LNP1: variants seen among roughly 807,000 people sequenced by gnomAD.
LNP1 encodes leukemia NUP98 fusion partner 1.
A neutral mutation model predicts 14.5 loss-of-function variants in LNP1; 12 were observed. The observed-to-expected ratio is 0.83, with a 90% confidence interval of 0.53 to 1.34. The LOEUF is 1.34. Ranked by LOEUF, LNP1 falls within the 40% of genes most tolerant of loss-of-function variation. LNP1 has a pLI of 0.00. For missense variants in LNP1, 198 were observed against 210.9 expected (o/e 0.94, Z 0.38); for synonymous variants, 75 against 71.4 (o/e 1.05, Z -0.26).
intron 1 of LNP1, among the ~76,000 whole-genome samples, chr3:100,406,862 GTT>G (rs941880624): frequency 2.6e-5 from 4 of 152,068 alleles, no homozygotes; most frequent in Non-Finnish European, 5.9e-5. Context: ...TCTATTGTCG[GTT>G]TTTGCTTCAA....
At chr3:100,448,935 A>C (rs1241284267) in intron 2 of LNP1, among the ~76,000 whole-genome samples, 2 of 152,216 alleles carry the variant, frequency 1.3e-5, no homozygotes, top group East Asian at 3.8e-4. Context: ...TTATCAGCTA[A>C]ATAGCTTTAA....
intron 1 of LNP1, among the ~76,000 whole-genome samples, chr3:100,425,754 G>A (rs1221242565): frequency 6.6e-6 from 1 of 152,142 alleles, no homozygotes; most frequent in Non-Finnish European, 1.5e-5. Context: ...AACACATCAT[G>A]TTCCAGAATG....
chr3:100,407,332 A>G (rs1480889412), intron 1 of LNP1, among the ~76,000 whole-genome samples: 1 of 152,130 alleles, frequency 6.6e-6, no homozygotes, highest in Non-Finnish European at 1.5e-5. Flanking sequence ...TCTCATGTTC[A>G]TTTCTGAATG....
chr3:100,403,125 G>A (rs1706928826), intron 1 of LNP1, among the ~76,000 whole-genome samples: 2 of 152,084 alleles, frequency 1.3e-5, no homozygotes, highest in African/African-American at 4.8e-5. Context: ...GGACCTTACT[G>A]ATCTGATGCA....
chr3:100,432,440 G>A (rs900841437), intron 2 of LNP1, among the ~76,000 whole-genome samples: 12 of 152,184 alleles, frequency 7.9e-5, no homozygotes, highest in African/African-American at 2.7e-4. Context: ...CAGGGTGAAA[G>A]AAGACATGCC....
At chr3:100,405,554 A>C (rs780884715) in intron 1 of LNP1, among the ~76,000 whole-genome samples, 1 of 152,112 alleles carries the variant, frequency 6.6e-6, no homozygotes, top group Non-Finnish European at 1.5e-5. Context: ...GAGGACTGCA[A>C]ATTTGGTTTG....
At position 100,456,030 on chromosome 3, in the gene LNP1, A is replaced by G; in HGVS notation, c.*104A>G. ...GTGGATGGGGGCGGGGTTGGGGGTA[A>G]AAACAGCTATAAAAAGCAACTGCAG... On this transcript the variant is annotated 3_prime_UTR_variant, in exon 4 of 4. Transcript: ENST00000383693. The G allele has an allele frequency of 7.7e-7, 1 of 1,295,622 alleles. No homozygotes were observed. Among genetic ancestry groups the G allele is most frequent in the Non-Finnish European group, 1.1e-6 (1 of 934,640 alleles). 80.3% of individuals were successfully genotyped at this position (1,295,622 alleles called of 1,614,324 possible).
In LNP1 at chr3:100,455,735, C is replaced by T. The variant is rs758490198; in HGVS notation, c.388-42C>T. The T allele has an allele frequency of 1.9e-6, 3 of 1,600,256 alleles. No homozygotes were observed. In the East Asian group the frequency reaches 6.7e-5, roughly 36 times the overall value. ...TAAGAGAAATGTGGAGTGTTGTCAG[C>T]TGCTTGTGCATTTTTACCTGTTTCT... is the stretch of plus-strand genomic sequence containing the variant. On this transcript the variant is annotated intron_variant, in intron 3 of 3. Transcript: ENST00000383693.
chr3:100,435,759 T>C (rs977822558), intron 2 of LNP1, among the ~76,000 whole-genome samples: 10 of 152,170 alleles, frequency 6.6e-5, no homozygotes, highest in Admixed American at 1.3e-4. Context: ...AAGGTGGTTC[T>C]GACACAGTTC....
intron 2 of LNP1, among the ~76,000 whole-genome samples, chr3:100,447,804 T>A (rs1707402659): frequency 1.3e-5 from 2 of 152,188 alleles, no homozygotes; most frequent in South Asian, 4.1e-4. Context: ...ATTCCCTCTT[T>A]ATTTTGATAA....
intron 3 of LNP1, 109 bp from the exon 4 acceptor site, chr3:100,455,668 G>A: frequency 2.0e-6 from 2 of 1,014,566 alleles, no homozygotes; most frequent in Non-Finnish European, 3.0e-6. Context: ...CCAAGAGGTG[G>A]AAGTCTGCTA....
chr3:100,408,078 T>C (rs1028519732), intron 1 of LNP1, among the ~76,000 whole-genome samples: 2 of 152,258 alleles, frequency 1.3e-5, no homozygotes, highest in Admixed American at 1.3e-4. Context: ...ATAGTTGATA[T>C]ATCTGTGTCT....
chr3:100,416,679 A>G (rs1707087554), intron 1 of LNP1, among the ~76,000 whole-genome samples: 1 of 148,616 alleles, frequency 6.7e-6, no homozygotes, highest in South Asian at 2.1e-4. Context: ...TTTAAAAAAA[A>G]TATTTTGGTT....
At chr3:100,454,918 A>G (rs1707495977) in intron 3 of LNP1, among the ~76,000 whole-genome samples, 1 of 152,144 alleles carries the variant, frequency 6.6e-6, no homozygotes, top group South Asian at 2.1e-4. Flanking sequence ...CAACATTTCT[A>G]GTTCAAACAG....
intron 1 of LNP1, among the ~76,000 whole-genome samples, chr3:100,412,380 A>T (rs1707039312): frequency 6.6e-6 from 1 of 152,198 alleles, no homozygotes; most frequent in African/African-American, 2.4e-5. Flanking sequence ...CACATTTGGG[A>T]TGAAATTTCA....
intron 1 of LNP1, among the ~76,000 whole-genome samples, chr3:100,415,644 G>C (rs1576226937): frequency 6.6e-6 from 1 of 152,118 alleles, no homozygotes; most frequent in East Asian, 1.9e-4. Context: ...TTCACCTCTA[G>C]ATAGACAACA....
chr3:100,429,106 A>G (rs189381630), intron 1 of LNP1, among the ~76,000 whole-genome samples: 1 of 152,328 alleles, frequency 6.6e-6, no homozygotes, highest in Admixed American at 6.5e-5. Context: ...ACGTACTTGT[A>G]TATTATTTAC....
At position 100,412,001 on chromosome 3, in the gene LNP1, G is replaced by C. The variant is rs73150354; in HGVS notation, c.-34+9562G>C. ...CAAAGAAGGAAAAAGTGACATTCAA[G>C]ATTGTATTAGCCATTTTTGTGTTGC... On this transcript the variant is annotated intron_variant, in intron 1 of 3. Transcript: ENST00000383693. Among the ~76,000 whole-genome samples the C allele has an allele frequency of 7.2e-3, 1,101 of 152,254 alleles. 5 individuals are homozygous for C. The highest frequency in any genetic ancestry group is 0.017 in the South Asian group (80 of 4,824).
chr3:100,416,328 A>G (rs935354134), intron 1 of LNP1, among the ~76,000 whole-genome samples: 13 of 152,146 alleles, frequency 8.5e-5, no homozygotes, highest in African/African-American at 2.9e-4. Context: ...TCCTTGTTCT[A>G]TATTATGTCA....
Sources: allele counts gnomAD v4.1 joint callset (sites outside exome capture counted in the v4.1 genomes callset), GRCh38; gene constraint gnomAD v4.1.1; transcripts MANE v1.5; gene names NCBI Gene and HGNC (gene_info 2026-07-23, HGNC 2026-07-21).